DYRK1A: variants seen among roughly 807,000 people sequenced by gnomAD.
DYRK1A encodes dual specificity tyrosine phosphorylation regulated kinase 1A.
Under a neutral mutation model 79.7 loss-of-function variants are expected in DYRK1A, and 9 were observed. The ratio of observed to expected loss-of-function variants is 0.11; its 90% confidence interval spans 0.07 to 0.20. DYRK1A has a LOEUF of 0.20. Among genes scored for constraint, DYRK1A ranks in the 10% least tolerant of loss-of-function variants. The probability of loss-of-function intolerance (pLI) is 1.00; values close to 1 mark genes in which losing one functional copy is unlikely to be tolerated. For synonymous variants in DYRK1A, 349 were observed against 329.7 expected, an observed-to-expected ratio of 1.06 and a Z score of -0.63; for missense variants, 622 against 956.0, an observed-to-expected ratio of 0.65 and a Z score of 4.61.
At chr21:37,396,528 G>GTT (rs57982192) in intron 1 of DYRK1A, among the ~76,000 whole-genome samples, 196 of 146,104 alleles carry the variant, frequency 1.3e-3, no homozygotes, top group South Asian at 4.7e-3. Flanking sequence ...AAGTTTTTTT[G>GTT]TTTTTTTTTT....
intron 1 of DYRK1A, among the ~76,000 whole-genome samples, chr21:37,417,534 T>TCGTGTTC (rs1555959240): frequency 1.2e-5 from 1 of 84,234 alleles, no homozygotes; most frequent in African/African-American, 4.4e-5. Context: ...TTTTTCTTTT[T>TCGTGTTC]TTTTTTTTTT....
chr21:37,409,778 A>G (rs1253308587), intron 1 of DYRK1A, among the ~76,000 whole-genome samples: 1 of 152,110 alleles, frequency 6.6e-6, no homozygotes, highest in African/African-American at 2.4e-5. Context: ...TATTTATTCT[A>G]CTCTTCTAAA....
At chr21:37,427,237 A>G (rs1165642392) in intron 2 of DYRK1A, among the ~76,000 whole-genome samples, 1 of 152,088 alleles carries the variant, frequency 6.6e-6, no homozygotes, top group Non-Finnish European at 1.5e-5. Flanking sequence ...TCAGCCTCCC[A>G]AGTAGCTAGG....
rs1253469386 is a variant in DYRK1A, at chr21:37,367,612, G to A, written c.-93G>A. On this transcript the variant is annotated 5_prime_UTR_variant, in exon 1 of 12. Transcript: ENST00000647188. ...ACTCACCGGAGGAAGCGGCGCGAGC[G>A]CCCCGCCATCGTCCCGGTGAGTGTC... 2 of 146,920 alleles carry A rather than the reference G, an allele frequency of 1.4e-5. No homozygotes were observed. The highest frequency in any genetic ancestry group is 2.0e-4 in the East Asian group (1 of 4,958). The allele number at this position is 146,920 out of a possible 1,614,324, so 9.1% of individuals were successfully genotyped here. A position where few individuals can be genotyped will look rare whatever the true frequency, so the allele number is the denominator to read the frequency against.
Position 37,480,725 on chromosome 21 carries a change from G to A in DYRK1A, c.388G>A (p.Gly130Ser), listed in dbSNP as rs1254602337. The change falls in exon 5 of 12, where the codon GGT (glycine) becomes AGT (serine). Residue 130 changes from glycine to serine, a missense_variant. By Grantham distance (56) the Gly-to-Ser change is moderately conservative. This residue lies in a region of DYRK1A where 138 missense variants were observed against 346.4 expected (regional missense o/e 0.40). Coordinates refer to ENST00000647188, the MANE Select transcript of DYRK1A (RefSeq NM_001347721.2). The part of the protein sequence containing the change: ...HKKERKVYND[G>S]YDDDNYDYIV... ...GAAGGAACGGAAGGTTTACAATGATGGTTATGATGATGATAACTATGATTA... is the reference window on the plus strand; with the variant it reads ...GAAGGAACGGAAGGTTTACAATGATAGTTATGATGATGATAACTATGATTA... The A allele has an allele frequency of 2.5e-6, 4 of 1,612,830 alleles. No homozygotes were observed. Among genetic ancestry groups the A allele is most frequent in the Non-Finnish European group, 3.4e-6 (4 of 1,179,398 alleles).
chr21:37,365,972 G>A (rs1439102841), upstream of DYRK1A: 1 of 152,160 alleles, frequency 6.6e-6, no homozygotes, highest in Non-Finnish European at 1.5e-5. Flanking sequence ...CCGGAGCCAG[G>A]TGCCAGCCTC....
At position 37,522,044 on chromosome 21, in the gene DYRK1A, G is replaced by A. The variant is rs2053938501; in HGVS notation, c.*9513G>A. On this transcript the variant is annotated 3_prime_UTR_variant, in exon 12 of 12. Coordinates refer to ENST00000647188, the MANE Select transcript of DYRK1A (RefSeq NM_001347721.2). ...CGAAGGGGATGACCTAGAGGGAGTTGGGAGGACAGCCTAGGATACGTAAAT... is the reference window on the plus strand; with the variant it reads ...CGAAGGGGATGACCTAGAGGGAGTTAGGAGGACAGCCTAGGATACGTAAAT... 1 of 152,116 alleles carries A rather than the reference G, an allele frequency of 6.6e-6. No homozygotes were observed. The highest frequency in any genetic ancestry group is 2.1e-4 in the South Asian group (1 of 4,822). The allele number at this position is 152,116 out of a possible 1,614,324, so 9.4% of individuals were successfully genotyped here. A position where few individuals can be genotyped will look rare whatever the true frequency, so the allele number is the denominator to read the frequency against.
At chr21:37,432,040 A>T (rs1206391794) in intron 2 of DYRK1A, among the ~76,000 whole-genome samples, 1 of 152,242 alleles carries the variant, frequency 6.6e-6, no homozygotes, top group Admixed American at 6.5e-5. Flanking sequence ...TTTTGTTTTG[A>T]CAATATACTA....
intron 1 of DYRK1A, among the ~76,000 whole-genome samples, chr21:37,381,447 A>G (rs997943683): frequency 2.6e-5 from 4 of 152,200 alleles, no homozygotes; most frequent in Non-Finnish European, 4.4e-5. Flanking sequence ...AAAGGAGTGT[A>G]TAATTGTAGT....
intron 2 of DYRK1A, among the ~76,000 whole-genome samples, chr21:37,436,913 C>T (rs561818739): frequency 1.1e-4 from 17 of 152,164 alleles, no homozygotes; most frequent in African/African-American, 3.9e-4. Context: ...ATGGAGTATC[C>T]ATGCTGTAAG....
intron 1 of DYRK1A, among the ~76,000 whole-genome samples, chr21:37,378,219 A>G (rs1481348147): frequency 6.6e-6 from 1 of 152,232 alleles, no homozygotes; most frequent in Non-Finnish European, 1.5e-5. Context: ...ATTCTTCATC[A>G]GATGTATGTT....
chr21:37,453,207 TAAAA>T (rs936849010), intron 2 of DYRK1A, among the ~76,000 whole-genome samples: 1 of 152,108 alleles, frequency 6.6e-6, no homozygotes, highest in Non-Finnish European at 1.5e-5. Context: ...CAATTTATAA[TAAAA>T]AAAATTGAGG....
chr21:37,501,317 C>G (rs762817470), intron 9 of DYRK1A: 1 of 151,986 alleles, frequency 6.6e-6, no homozygotes, highest in Non-Finnish European at 1.5e-5. Context: ...ACTACAGGCA[C>G]CCACCACCAC....
intron 1 of DYRK1A, among the ~76,000 whole-genome samples, chr21:37,371,680 C>G (rs993529332): frequency 3.3e-5 from 5 of 152,094 alleles, no homozygotes; most frequent in Non-Finnish European, 7.4e-5. Context: ...GGGGCAGATG[C>G]TCATATCTGA....
chr21:37,426,184 A>G (rs2050612452), intron 2 of DYRK1A, among the ~76,000 whole-genome samples: 1 of 152,152 alleles, frequency 6.6e-6, no homozygotes, highest in Non-Finnish European at 1.5e-5. Context: ...AGCACAGGAG[A>G]TCTTATTCAT....
chr21:37,495,741 C>G (rs1014683052), intron 8 of DYRK1A, among the ~76,000 whole-genome samples: 1 of 137,540 alleles, frequency 7.3e-6, no homozygotes, highest in Non-Finnish European at 1.5e-5. Flanking sequence ...GCAGTGAGCT[C>G]TGAGTGCACC....
rs1052402249 is a variant in DYRK1A at position 37,519,552 on chromosome 21, T to C, written c.*7021T>C. 6.6e-6 allele frequency: 1 copy of C among 152,140 alleles called. No homozygotes were observed. The highest frequency in any genetic ancestry group is 1.5e-5 in the Non-Finnish European group (1 of 68,026). 9.4% of individuals were successfully genotyped at this position (152,140 alleles called of 1,614,324 possible). ...AATGGAACTTCTTTTTCTACGTAAATACAGCAAACAATGCAGGGAAATGAG... is the reference window on the plus strand; with the variant it reads ...AATGGAACTTCTTTTTCTACGTAAACACAGCAAACAATGCAGGGAAATGAG... On this transcript the variant is annotated 3_prime_UTR_variant, in exon 12 of 12. Coordinates refer to ENST00000647188, the MANE Select transcript of DYRK1A (RefSeq NM_001347721.2).
Position 37,379,520 on chromosome 21 carries a change from G to A in DYRK1A, c.-77+11892G>A, listed in dbSNP as rs187291469. Among the ~76,000 whole-genome samples the A allele has an allele frequency of 1.1e-3, 173 of 152,298 alleles. No individual in the cohort carries two copies. The Middle Eastern group carries it at 0.017, about 15-fold the overall frequency. On this transcript the variant is annotated intron_variant, in intron 1 of 11. Transcript: ENST00000647188. Reference sequence around the variant, plus strand: ...GAATATGTCCTACTGAGGACCTGAAGGAACTGTTGAGGAACTGAAGATAGA... The same window carrying A: ...GAATATGTCCTACTGAGGACCTGAAAGAACTGTTGAGGAACTGAAGATAGA...
In DYRK1A at chr21:37,367,071, G is replaced by T; in HGVS notation, c.-634G>T. 1 of 156,908 alleles carries T rather than the reference G, an allele frequency of 6.4e-6. No homozygotes were observed. Among genetic ancestry groups the T allele is most frequent in the South Asian group, 1.5e-4 (1 of 6,616 alleles). The allele number at this position is 156,908 out of a possible 1,614,324, so 9.7% of individuals were successfully genotyped here. On this transcript the variant is annotated 5_prime_UTR_variant, in exon 1 of 12. Transcript: ENST00000647188. ...GCCGGCGAGCAGGCGGGACCGGTGT[G>T]AGTGCGAGTGTGTGTGCGAGGGAGC... is the stretch of plus-strand genomic sequence containing the variant.
Sources: gnomAD v4.1 joint callset for allele counts (sites outside exome capture counted in the v4.1 genomes callset) on GRCh38, gnomAD v4.1.1 for gene constraint, gnomAD v4.1.1 regional missense constraint, MANE v1.5 for transcripts, NCBI Gene and HGNC (gene_info 2026-07-23, HGNC 2026-07-21) for gene names.